Variants in PTPRG observed in about 807,000 individuals in gnomAD.
The protein encoded by PTPRG is receptor-type tyrosine-protein phosphatase gamma.
A neutral mutation model predicts 165.3 loss-of-function variants in PTPRG; 102 were observed. The ratio of observed to expected loss-of-function variants is 0.62; its 90% confidence interval spans 0.53 to 0.73. PTPRG has a LOEUF of 0.73. Ranked by LOEUF, PTPRG falls within the 30% of genes least tolerant of loss-of-function variation. The pLI is 0.00. For missense variants in PTPRG, 1,866 were observed against 1,861.4 expected (o/e 1.00, Z -0.05); for synonymous variants, 675 against 669.5 (o/e 1.01, Z -0.13).
intron 2 of PTPRG, among the ~76,000 whole-genome samples, chr3:61,808,281 A>C (rs865922584): frequency 1.3e-5 from 2 of 152,218 alleles, no homozygotes; most frequent in African/African-American, 4.8e-5. Flanking sequence ...TTTTAAGTGG[A>C]GAAGTTACAA....
intron 7 of PTPRG, among the ~76,000 whole-genome samples, chr3:62,167,665 G>C (rs186102211): frequency 6.6e-6 from 1 of 152,298 alleles, no homozygotes; most frequent in East Asian, 1.9e-4. Flanking sequence ...TTTTCCAGCA[G>C]GGCACTGCAG....
intron 2 of PTPRG, among the ~76,000 whole-genome samples, chr3:61,869,684 T>A (rs1229143798): frequency 6.6e-6 from 1 of 152,062 alleles, no homozygotes. Flanking sequence ...GCTTAACTGA[T>A]CTTCCCCCCT....
intron 13 of PTPRG, among the ~76,000 whole-genome samples, chr3:62,225,304 G>A (rs1485473169): frequency 6.6e-6 from 1 of 152,176 alleles, no homozygotes; most frequent in Admixed American, 6.5e-5. Flanking sequence ...CTGCCACTCA[G>A]AGAGAAGAGG....
chr3:62,121,110 A>ATTTTTT (rs67168345), intron 5 of PTPRG, among the ~76,000 whole-genome samples: 1 of 141,548 alleles, frequency 7.1e-6, no homozygotes, highest in Non-Finnish European at 1.5e-5. Context: ...AGCCTGGCTA[A>ATTTTTT]TTTTTTTTTT....
At chr3:62,074,352 C>CTTT (rs200189646) in intron 4 of PTPRG, among the ~76,000 whole-genome samples, 1,568 of 108,896 alleles carry the variant, frequency 0.014, 54 homozygotes, top group African/African-American at 0.053. Context: ...TCTTTTCTTT[C>CTTT]TTTTTTTTTT....
At chr3:61,735,529 G>GTTTTTTT in intron 1 of PTPRG, among the ~76,000 whole-genome samples, 2 of 143,168 alleles carry the variant, frequency 1.4e-5, no homozygotes, top group Non-Finnish European at 1.5e-5. Context: ...AATTCCTTGA[G>GTTTTTTT]TTTTTTTTTT....
At position 61,835,432 on chromosome 3, in the gene PTPRG, C is replaced by G. The variant is rs551701102; in HGVS notation, c.190+86450C>G. ...CACTGCAACCTCTGCCTCCTGGATT[C>G]AAGCGATTCTCCTGCCTCAGCCTCC... is the stretch of plus-strand genomic sequence containing the variant. On this transcript the variant is annotated intron_variant, in intron 2 of 29. Coordinates refer to ENST00000474889, the MANE Select transcript of PTPRG (RefSeq NM_002841.4). 6.6e-5 allele frequency among the ~76,000 whole-genome samples: 10 copies of G among 152,208 alleles called. No homozygotes were observed. In the South Asian group the frequency reaches 2.1e-3, roughly 32 times the overall value.
intron 2 of PTPRG, among the ~76,000 whole-genome samples, chr3:61,963,570 G>T (rs2040201629): frequency 6.6e-6 from 1 of 152,116 alleles, no homozygotes; most frequent in African/African-American, 2.4e-5. Flanking sequence ...AGATACCAAT[G>T]AAATACATAT....
intron 3 of PTPRG, 48 bp from the exon 4 acceptor site, chr3:62,003,301 G>A (rs2041218359): frequency 6.3e-7 from 1 of 1,575,870 alleles, no homozygotes; most frequent in African/African-American, 1.4e-5. Context: ...ACTCCATTTG[G>A]TTTTGAAACT....
rs150303219 is a variant in PTPRG at position 62,000,011 on chromosome 3, C to G, written c.371-3338C>G. On this transcript the variant is annotated intron_variant, in intron 3 of 29. Transcript: ENST00000474889. The stretch of plus-strand genomic sequence containing the variant: ...TACTCAATACTTAAGATCTCCCCCC[C>G]AGGCCCGGGCTGGGCACAGTGACTC... Among the ~76,000 whole-genome samples, 1,198 of 152,240 alleles carry G rather than the reference C, an allele frequency of 7.9e-3. 24 individuals are homozygous for G. Among genetic ancestry groups the G allele is most frequent in the African/African-American group, 0.028 (1,151 of 41,540 alleles).
intron 1 of PTPRG, among the ~76,000 whole-genome samples, chr3:61,713,118 T>C (rs566004696): frequency 1.3e-5 from 2 of 152,278 alleles, no homozygotes; most frequent in African/African-American, 2.4e-5. Context: ...TTCAGAGTTA[T>C]AGGGTCTTAT....
At chr3:61,632,419 T>A (rs1701795008) in intron 1 of PTPRG, among the ~76,000 whole-genome samples, 1 of 152,234 alleles carries the variant, frequency 6.6e-6, no homozygotes, top group African/African-American at 2.4e-5. Context: ...GAAAGCAGGT[T>A]GACAGATAAA....
intron 8 of PTPRG, among the ~76,000 whole-genome samples, chr3:62,169,775 T>C (rs1188886213): frequency 6.6e-6 from 1 of 152,040 alleles, no homozygotes; most frequent in African/African-American, 2.4e-5. Flanking sequence ...ACACTGGAGG[T>C]AGAGTGGGCT....
intron 2 of PTPRG, among the ~76,000 whole-genome samples, chr3:61,753,888 A>G (rs1292963523): frequency 3.9e-5 from 6 of 151,952 alleles, no homozygotes; most frequent in Non-Finnish European, 7.4e-5. Flanking sequence ...GAGCCACCAC[A>G]CCCGGCCAGA....
At chr3:61,874,538 A>G (rs1049588510) in intron 2 of PTPRG, among the ~76,000 whole-genome samples, 3 of 151,850 alleles carry the variant, frequency 2.0e-5, no homozygotes, top group African/African-American at 7.3e-5. Flanking sequence ...ACACATAAAC[A>G]CAGATACTCA....
chr3:61,913,061 C>T (rs2038841350), intron 2 of PTPRG, among the ~76,000 whole-genome samples: 1 of 152,074 alleles, frequency 6.6e-6, no homozygotes, highest in Non-Finnish European at 1.5e-5. Context: ...GACACCTTTT[C>T]TTTTCATTTA....
At chr3:61,632,886 A>C (rs1355371582) in intron 1 of PTPRG, among the ~76,000 whole-genome samples, 4 of 152,070 alleles carry the variant, frequency 2.6e-5, no homozygotes, top group African/African-American at 9.7e-5. Flanking sequence ...AAGATTCCAC[A>C]TGATCCAGCT....
At chr3:62,166,629 C>T (rs548853842) in intron 7 of PTPRG, among the ~76,000 whole-genome samples, 19 of 151,968 alleles carry the variant, frequency 1.3e-4, no homozygotes, top group Non-Finnish European at 2.5e-4. Context: ...AGCCACCGGG[C>T]CTGGCCAGAA....
intron 2 of PTPRG, among the ~76,000 whole-genome samples, chr3:61,823,993 G>C (rs764580065): frequency 6.6e-6 from 1 of 152,074 alleles, no homozygotes; most frequent in Non-Finnish European, 1.5e-5. Context: ...GCGTGGTGGC[G>C]GGCGCCTGTA....
Sources: gnomAD v4.1 joint callset for allele counts (sites outside exome capture counted in the v4.1 genomes callset) on GRCh38, gnomAD v4.1.1 for gene constraint, MANE v1.5 for transcripts, NCBI Gene and HGNC (gene_info 2026-07-23, HGNC 2026-07-21) for gene names.